The following ARHGAP32 variants were observed in gnomAD, a reference collection of about 807,000 sequenced individuals.
ARHGAP32 encodes rho GTPase-activating protein 32.
Under a neutral mutation model 186.5 loss-of-function variants are expected in ARHGAP32, and 51 were observed. The observed-to-expected ratio is 0.27, with a 90% CI of 0.22 to 0.35. ARHGAP32 has a LOEUF of 0.35. ARHGAP32 is among the 10% of genes least tolerant of loss of function. The probability of loss-of-function intolerance (pLI) is 1.00; values close to 1 mark genes in which losing one functional copy is unlikely to be tolerated. For synonymous variants in ARHGAP32, 950 were observed against 964.3 expected (o/e 0.99, Z 0.27); for missense variants, 2,186 against 2,623.5 (o/e 0.83, Z 3.64).
At chr11:129,124,554 C>T (rs752606550) in intron 3 of ARHGAP32, among the ~76,000 whole-genome samples, 1 of 152,100 alleles carries the variant, frequency 6.6e-6, no homozygotes, top group Non-Finnish European at 1.5e-5. Flanking sequence ...TTAGACTGTT[C>T]CTATCAAACA....
intron 1 of ARHGAP32, among the ~76,000 whole-genome samples, chr11:129,204,300 A>G (rs868808662): frequency 6.6e-6 from 1 of 152,156 alleles, no homozygotes; most frequent in Admixed American, 6.6e-5. Context: ...AACTCTAAAT[A>G]TAAATTGAAT....
chr11:128,981,441 G>A lies in ARHGAP32; in HGVS notation c.1755C>T (p.Ile585=), dbSNP rs1945704547. 4 of 1,610,590 alleles carry A rather than the reference G, an allele frequency of 2.5e-6. No homozygotes were observed. Among genetic ancestry groups the A allele is most frequent in the East Asian group, 2.2e-5 (1 of 44,810 alleles). Residue 585 remains isoleucine, a synonymous_variant, in exon 17 of 23, where the codon ATC becomes ATT. Transcript: ENST00000682385. ...NHVDVLFSGR[I]SMAMQEGAAS... ...CTGCCCCCTCTTGCATGGCCATGCT[G>A]ATTCTGCCGCTGAACAGCACATCAA...
chr11:129,167,102 T>C (rs1483732277), intron 1 of ARHGAP32, among the ~76,000 whole-genome samples: 6 of 151,900 alleles, frequency 3.9e-5, no homozygotes, highest in Admixed American at 1.3e-4. Flanking sequence ...TACATATTAA[T>C]CTAAGAGAAG....
chr11:128,980,638 T>A lies in ARHGAP32; in HGVS notation c.1891A>T (p.Thr631Ser), dbSNP rs763408712. ...CCTACTTCGATATATTTATTTTCCG[T>A]CACAATTGGAGAATTGACCTGAGCT... ...TQAQVNSPIV[T>S]ENKYIEVGEG... The change falls in exon 18 of 23, where the codon ACG (threonine) becomes TCG (serine). Residue 631 changes from threonine (T) to serine (S), a missense_variant. Physicochemically the swap from Thr to Ser is moderately conservative, Grantham distance 58. This residue lies in a region of ARHGAP32 where 263 missense variants were observed against 323.5 expected (regional missense o/e 0.81). Transcript: ENST00000682385. 2.0e-5 allele frequency: 32 copies of A among 1,613,946 alleles called. No individual in the cohort carries two copies. Among genetic ancestry groups the A allele is most frequent in the Non-Finnish European group, 3.4e-6 (4 of 1,179,956 alleles).
At chr11:129,131,187 C>T (rs1942800507) in intron 2 of ARHGAP32, among the ~76,000 whole-genome samples, 2 of 151,482 alleles carry the variant, frequency 1.3e-5, no homozygotes, top group South Asian at 4.2e-4. Flanking sequence ...AAAAACCTTA[C>T]CAAGAACTGT....
chr11:129,155,573 T>TA (rs906748034), intron 2 of ARHGAP32, among the ~76,000 whole-genome samples: 1 of 152,058 alleles, frequency 6.6e-6, no homozygotes, highest in African/African-American at 2.4e-5. Flanking sequence ...AATTTCTTCA[T>TA]AAAAAATAAC....
intron 11 of ARHGAP32, among the ~76,000 whole-genome samples, chr11:129,012,033 A>G (rs566432774): frequency 9.9e-4 from 151 of 152,270 alleles, no homozygotes; most frequent in Admixed American, 1.7e-3. Context: ...AGGATGTGAA[A>G]CTTCCCTGAG....
chr11:129,123,835 G>A lies in ARHGAP32; in HGVS notation c.359+53C>T. The A allele has an allele frequency of 7.8e-7, 1 of 1,279,286 alleles. No individual in the cohort carries two copies. Among genetic ancestry groups the A allele is most frequent in the Non-Finnish European group, 1.0e-6 (1 of 980,788 alleles). The allele number at this position is 1,279,286 out of a possible 1,614,324, so 79.2% of individuals were successfully genotyped here. Reference sequence around the variant, plus strand: ...GCAAATGTTATGGAAACTGTGGACAGCCAGCTTCTAACCAGAAGCATTCCC... The same window carrying A: ...GCAAATGTTATGGAAACTGTGGACAACCAGCTTCTAACCAGAAGCATTCCC... On this transcript the variant is annotated intron_variant, in intron 4 of 22. Coordinates refer to ENST00000682385, the MANE Select transcript of ARHGAP32 (RefSeq NM_001378024.1). This position sits in a 1 kb window ranked among gnomAD's most constrained non-coding sequence, Gnocchi z 4.6.
At chr11:129,174,651 C>T (rs1943864642) in intron 1 of ARHGAP32, among the ~76,000 whole-genome samples, 1 of 152,198 alleles carries the variant, frequency 6.6e-6, no homozygotes, top group African/African-American at 2.4e-5. Context: ...CCCGAGCAGC[C>T]TAACTGGGAG....
chr11:129,270,370 G>A (rs1037421831), intron 1 of ARHGAP32, among the ~76,000 whole-genome samples: 1 of 151,986 alleles, frequency 6.6e-6, no homozygotes, highest in African/African-American at 2.4e-5. Flanking sequence ...GGAGAGGGAG[G>A]GATGAATAGC....
intron 10 of ARHGAP32, among the ~76,000 whole-genome samples, chr11:129,048,801 G>A (rs1475651651): frequency 6.6e-6 from 1 of 152,074 alleles, no homozygotes; most frequent in Non-Finnish European, 1.5e-5. Context: ...TTGCTTTAAA[G>A]TTTTAATTAA....
At chr11:129,222,414 G>C (rs1944723791) in intron 1 of ARHGAP32, among the ~76,000 whole-genome samples, 1 of 152,120 alleles carries the variant, frequency 6.6e-6, no homozygotes, top group African/African-American at 2.4e-5. Context: ...CTTCAACCTT[G>C]ATGTTTTAAT....
intron 7 of ARHGAP32, 37 bp downstream of exon 7, chr11:129,066,694 A>G (rs1239894626): frequency 6.3e-7 from 1 of 1,592,410 alleles, no homozygotes; most frequent in Non-Finnish European, 8.5e-7. Flanking sequence ...ACTCATATAT[A>G]GTGATTACCT....
chr11:129,073,818 A>G (rs1940947908), intron 6 of ARHGAP32, among the ~76,000 whole-genome samples: 1 of 152,078 alleles, frequency 6.6e-6, no homozygotes, highest in African/African-American at 2.4e-5. Flanking sequence ...GATAAAGAAA[A>G]TATCTTGAAA....
chr11:129,144,121 C>T (rs567149433), intron 2 of ARHGAP32, among the ~76,000 whole-genome samples: 2 of 152,136 alleles, frequency 1.3e-5, no homozygotes, highest in African/African-American at 4.8e-5. Context: ...TGTGAATATC[C>T]GCAAAAGAAT....
intron 1 of ARHGAP32, among the ~76,000 whole-genome samples, chr11:129,277,542 G>A (rs1222311432): frequency 7.2e-5 from 11 of 152,168 alleles, no homozygotes; most frequent in Non-Finnish European, 1.2e-4. Context: ...CAATGTGAAC[G>A]ATCATACAGT....
At chr11:129,218,252 CGATA>C (rs1274991118) in intron 1 of ARHGAP32, among the ~76,000 whole-genome samples, 1 of 152,136 alleles carries the variant, frequency 6.6e-6, no homozygotes, top group Non-Finnish European at 1.5e-5. Flanking sequence ...ACAAACTTAT[CGATA>C]GTAGCCCACT....
In ARHGAP32 at chr11:129,007,148, C is replaced by G. The variant is rs1054603592; in HGVS notation, c.1046-8680G>C. Among the ~76,000 whole-genome samples the G allele has an allele frequency of 2.0e-5, 3 of 151,964 alleles. No individual in the cohort carries two copies. The South Asian group carries it at 6.2e-4, about 32-fold the overall frequency. On this transcript the variant is annotated intron_variant, in intron 11 of 22. Transcript: ENST00000682385. Reference sequence around the variant, plus strand: ...CAGTGGGCTCCCCTCTGGCCCAGGGCGGGTCTAGAAATGCTGACCAAGAGC... The same window carrying G: ...CAGTGGGCTCCCCTCTGGCCCAGGGGGGGTCTAGAAATGCTGACCAAGAGC...
chr11:129,226,088 G>T (rs898052665), intron 1 of ARHGAP32, among the ~76,000 whole-genome samples: 1 of 152,060 alleles, frequency 6.6e-6, no homozygotes, highest in African/African-American at 2.4e-5. Context: ...GGTCAATTGA[G>T]ATTATCTAAT....
Sources: allele counts gnomAD v4.1 joint callset (sites outside exome capture counted in the v4.1 genomes callset), GRCh38; gene constraint gnomAD v4.1.1; regional missense constraint gnomAD v4.1.1; non-coding constraint Gnocchi (gnomAD v3.1); transcripts MANE v1.5; gene names NCBI Gene and HGNC (gene_info 2026-07-23, HGNC 2026-07-21).